Variants in LGR4 observed in about 807,000 individuals in gnomAD.
LGR4 encodes leucine rich repeat containing G protein-coupled receptor 4.
LGR4 carries 44 observed loss-of-function variants against 84.8 expected under a neutral mutation model. The ratio of observed to expected loss-of-function variants is 0.52; its 90% CI spans 0.41 to 0.67. The LOEUF is 0.67. Ranked by LOEUF, LGR4 falls within the 30% of genes least tolerant of loss-of-function variation. The probability of loss-of-function intolerance (pLI) is 0.00; values close to 1 mark genes in which losing one functional copy is unlikely to be tolerated. For synonymous variants in LGR4, 429 were observed against 434.3 expected (o/e 0.99, Z 0.15); for missense variants, 1,032 against 1,131.4 (o/e 0.91, Z 1.26).
intron 2 of LGR4, among the ~76,000 whole-genome samples, chr11:27,410,056 C>T (rs944394595): frequency 4.6e-5 from 7 of 152,202 alleles, no homozygotes; most frequent in Middle Eastern, 3.4e-3. Flanking sequence ...TATATGAGCA[C>T]GTGAAATGTG....
chr11:27,395,817 T>C (rs1374559136), intron 2 of LGR4, among the ~76,000 whole-genome samples: 1 of 152,178 alleles, frequency 6.6e-6, no homozygotes, highest in Non-Finnish European at 1.5e-5. Context: ...GCAGCTCCAG[T>C]AATTGCACCC....
chr11:27,450,812 G>A (rs1041027863), intron 1 of LGR4, among the ~76,000 whole-genome samples: 4 of 151,986 alleles, frequency 2.6e-5, no homozygotes, highest in Non-Finnish European at 1.5e-5. Context: ...AGAAAATTGT[G>A]CTCTCACATC....
At chr11:27,452,085 C>T (rs1864491512) in intron 1 of LGR4, among the ~76,000 whole-genome samples, 1 of 152,096 alleles carries the variant, frequency 6.6e-6, no homozygotes, top group Non-Finnish European at 1.5e-5. Context: ...TCTCAGGGAG[C>T]AAAATAATGT....
rs201570113 is a variant in LGR4 at position 27,442,229 on chromosome 11, GAGA to G, written c.186-29372_186-29370del. Among the ~76,000 whole-genome samples, 998 of 152,266 alleles carry G rather than the reference GAGA, an allele frequency of 6.6e-3. 3 individuals carry two copies. Among genetic ancestry groups the G allele is most frequent in the Middle Eastern group, 0.01 (3 of 294 alleles). On this transcript the variant is annotated intron_variant, in intron 1 of 17. Coordinates refer to ENST00000379214, the MANE Select transcript of LGR4 (RefSeq NM_018490.5). ...AGAAGAGGAGTGGGAAATCAAACCA[GAGA>G]AGAAGAGACTAGCAACCCAGCTCCA...
intron 1 of LGR4, among the ~76,000 whole-genome samples, chr11:27,461,210 TA>T (rs199570989): frequency 1.3e-5 from 2 of 150,266 alleles, no homozygotes; most frequent in African/African-American, 2.4e-5. Context: ...ATCTCAAATG[TA>T]AAAAAAAACA....
At chr11:27,444,763 T>C (rs567737606) in intron 1 of LGR4, among the ~76,000 whole-genome samples, 5 of 152,330 alleles carry the variant, frequency 3.3e-5, no homozygotes, top group Admixed American at 3.3e-4. Context: ...TTTTAAATGC[T>C]CTGAAATATA....
chr11:27,451,963 C>T lies in LGR4; in HGVS notation c.185+20155G>A, dbSNP rs535643914. ...CTGCTTTAGAACATAAAAGAGAATT[C>T]ACATACACACATACATAGCTGGGGG... On this transcript the variant is annotated intron_variant, in intron 1 of 17. Transcript: ENST00000379214. Among the ~76,000 whole-genome samples the T allele has an allele frequency of 2.0e-5, 3 of 152,296 alleles. No individual in the cohort carries two copies. In the South Asian group the frequency reaches 6.2e-4, roughly 32 times the overall value.
intron 1 of LGR4, among the ~76,000 whole-genome samples, chr11:27,416,081 A>G (rs1863810824): frequency 6.6e-6 from 1 of 152,160 alleles, no homozygotes; most frequent in African/African-American, 2.4e-5. Context: ...GTACCTTCAA[A>G]TTCACATGAG....
At chr11:27,456,075 A>G (rs899647683) in intron 1 of LGR4, among the ~76,000 whole-genome samples, 1 of 152,238 alleles carries the variant, frequency 6.6e-6, no homozygotes, top group Non-Finnish European at 1.5e-5. Flanking sequence ...TAAGAATGCA[A>G]CATAAGTGAA....
intron 1 of LGR4, among the ~76,000 whole-genome samples, chr11:27,416,682 C>A (rs1198498219): frequency 6.6e-6 from 1 of 152,088 alleles, no homozygotes; most frequent in Admixed American, 6.6e-5. Flanking sequence ...CTGGGAGAAC[C>A]CTTCAAGATC....
At chr11:27,373,901 G>A (rs955255579) in intron 14 of LGR4, 74 bp downstream of exon 14, 22 of 1,141,772 alleles carry the variant, frequency 1.9e-5, no homozygotes, top group Middle Eastern at 2.0e-4. Flanking sequence ...ATTTTGATTC[G>A]ACAATGTTAA....
chr11:27,403,481 C>A (rs1863543957), intron 2 of LGR4, among the ~76,000 whole-genome samples: 1 of 152,138 alleles, frequency 6.6e-6, no homozygotes, highest in African/African-American at 2.4e-5. Flanking sequence ...GTTCATAACA[C>A]CACCACAAAG....
intron 17 of LGR4, 108 bp downstream of exon 17, chr11:27,371,507 C>G: frequency 1.3e-6 from 1 of 767,686 alleles, no homozygotes; most frequent in African/African-American, 1.8e-5. Context: ...ACAGGATCCT[C>G]TAGTACCATC....
intron 1 of LGR4, among the ~76,000 whole-genome samples, chr11:27,428,797 C>T (rs1159915639): frequency 6.6e-6 from 1 of 152,114 alleles, no homozygotes; most frequent in East Asian, 1.9e-4. Flanking sequence ...CCAGGCTGGA[C>T]TCAAACTCCT....
intron 1 of LGR4, among the ~76,000 whole-genome samples, chr11:27,470,717 A>G (rs952098981): frequency 3.3e-5 from 5 of 151,920 alleles, no homozygotes; most frequent in African/African-American, 1.2e-4. Flanking sequence ...TATACTGAAA[A>G]AAAAAAAAAA....
intron 13 of LGR4, among the ~76,000 whole-genome samples, chr11:27,374,404 TA>T: frequency 6.6e-6 from 1 of 152,182 alleles, no homozygotes; most frequent in Middle Eastern, 3.4e-3. Flanking sequence ...AAGCTGAAAA[TA>T]AAAACAGACT....
chr11:27,384,975 G>C (rs1863159879), intron 5 of LGR4, among the ~76,000 whole-genome samples: 2 of 152,226 alleles, frequency 1.3e-5, no homozygotes, highest in South Asian at 4.1e-4. Flanking sequence ...TACGCTGCTG[G>C]GACACACGTA....
At chr11:27,420,823 G>A (rs1863912457) in intron 1 of LGR4, among the ~76,000 whole-genome samples, 1 of 151,874 alleles carries the variant, frequency 6.6e-6, no homozygotes, top group African/African-American at 2.4e-5. Flanking sequence ...GTGAAAGCAT[G>A]GTCAAATGAG....
At chr11:27,409,266 T>A (rs1028078686) in intron 2 of LGR4, among the ~76,000 whole-genome samples, 6 of 152,026 alleles carry the variant, frequency 3.9e-5, no homozygotes, top group Non-Finnish European at 8.8e-5. Context: ...TCACTCACAG[T>A]GTTCCAGAAA....
Sources: allele counts gnomAD v4.1 joint callset (sites outside exome capture counted in the v4.1 genomes callset), GRCh38; gene constraint gnomAD v4.1.1; transcripts MANE v1.5; gene names NCBI Gene and HGNC (gene_info 2026-07-23, HGNC 2026-07-21).